Variants in ARL15 observed in about 807,000 individuals in gnomAD.
The protein encoded by ARL15 is ADP-ribosylation factor-like protein 15.
A neutral mutation model predicts 25.2 loss-of-function variants in ARL15; 19 were observed. The observed-to-expected ratio is 0.75, with a 90% CI of 0.53 to 1.10. ARL15 has a LOEUF of 1.10. Among genes scored for constraint, ARL15 ranks in the 50% least tolerant of loss-of-function variants. The pLI, the probability that ARL15 is intolerant of heterozygous loss-of-function variation, is 0.00. For synonymous variants in ARL15, 94 were observed against 86.8 expected (o/e 1.08, Z -0.46); for missense variants, 220 against 246.0 (o/e 0.89, Z 0.71).
At chr5:54,152,059 T>C (rs1307632123) in intron 3 of ARL15, among the ~76,000 whole-genome samples, 1 of 152,072 alleles carries the variant, frequency 6.6e-6, no homozygotes, top group Admixed American at 6.6e-5. Context: ...TTTCTTGAGG[T>C]CCTCCCCTGA....
At chr5:53,927,860 T>C (rs1746078842) in intron 4 of ARL15, among the ~76,000 whole-genome samples, 1 of 152,158 alleles carries the variant, frequency 6.6e-6, no homozygotes, top group South Asian at 2.1e-4. Context: ...CAGGCTGGGT[T>C]CAAAGTCTGA....
chr5:54,251,098 T>C (rs1757224985), intron 1 of ARL15, among the ~76,000 whole-genome samples: 1 of 151,972 alleles, frequency 6.6e-6, no homozygotes, highest in Non-Finnish European at 1.5e-5. Context: ...ACACTGCTAA[T>C]TTGCACAGAG....
rs145862323 is a variant in ARL15, at chr5:54,231,995, C to T, written c.49-60067G>A. ...GAAGGCCTGACCACTTAGCAGTCTA[C>T]GCTGCGGCCACACTGACTGCTCATG... On this transcript the variant is annotated intron_variant, in intron 1 of 4. Transcript: ENST00000504924. 3.0e-4 allele frequency among the ~76,000 whole-genome samples: 46 copies of T among 152,294 alleles called. No homozygotes were observed. The East Asian group carries it at 7.0e-3, about 23-fold the overall frequency.
chr5:53,970,703 T>G lies in ARL15; in HGVS notation c.463-83990A>C, dbSNP rs143955121. The stretch of plus-strand genomic sequence containing the variant: ...ATAGGCTGGAGGACAAGTTGACTCA[T>G]TGGGCCCTGAAAGTTTTCCATCCCA... On this transcript the variant is annotated intron_variant, in intron 4 of 4. Transcript: ENST00000504924. Among the ~76,000 whole-genome samples the G allele has an allele frequency of 9.1e-3, 1,385 of 151,866 alleles. 19 individuals carry two copies. Among genetic ancestry groups the G allele is most frequent in the African/African-American group, 0.032 (1,330 of 41,408 alleles).
At chr5:53,910,850 C>T (rs1361422439) in intron 4 of ARL15, among the ~76,000 whole-genome samples, 1 of 151,568 alleles carries the variant, frequency 6.6e-6, no homozygotes, top group Non-Finnish European at 1.5e-5. Context: ...AGTGATTCGA[C>T]CAATTGGAGT....
chr5:53,892,609 T>A (rs1744755774), intron 4 of ARL15, among the ~76,000 whole-genome samples: 1 of 151,760 alleles, frequency 6.6e-6, no homozygotes, highest in Non-Finnish European at 1.5e-5. Flanking sequence ...TACTTTTTTT[T>A]TTTTTTTTAA....
intron 4 of ARL15, among the ~76,000 whole-genome samples, chr5:53,984,848 C>A (rs760832493): frequency 6.6e-5 from 10 of 152,160 alleles, no homozygotes; most frequent in Non-Finnish European, 1.5e-4. Flanking sequence ...TTCCTGCAAT[C>A]TTTGTAGGAT....
intron 1 of ARL15, among the ~76,000 whole-genome samples, chr5:54,223,688 A>G (rs1427779301): frequency 3.3e-5 from 5 of 152,220 alleles, no homozygotes; most frequent in African/African-American, 1.2e-4. Flanking sequence ...TCCAAATAGC[A>G]TATGACTAAG....
At chr5:54,166,660 A>C (rs926859673) in intron 2 of ARL15, among the ~76,000 whole-genome samples, 1 of 152,108 alleles carries the variant, frequency 6.6e-6, no homozygotes, top group African/African-American at 2.4e-5. Flanking sequence ...GCTTAGGTTT[A>C]AAGTTGTCCC....
At chr5:53,948,951 CT>C (rs1213371051) in intron 4 of ARL15, among the ~76,000 whole-genome samples, 1 of 152,198 alleles carries the variant, frequency 6.6e-6, no homozygotes, top group Non-Finnish European at 1.5e-5. Context: ...AAATCATTAC[CT>C]TCACTGCCAT....
intron 1 of ARL15, among the ~76,000 whole-genome samples, chr5:54,263,740 T>C (rs1757554465): frequency 6.6e-6 from 1 of 152,102 alleles, no homozygotes; most frequent in African/African-American, 2.4e-5. Flanking sequence ...GATAGAGCAG[T>C]GAACCAAGCA....
intron 1 of ARL15, among the ~76,000 whole-genome samples, chr5:54,205,643 C>T (rs766892717): frequency 3.9e-5 from 6 of 152,132 alleles, no homozygotes; most frequent in South Asian, 2.1e-4. Context: ...AACCTGATAT[C>T]GTGTTCATGA....
In ARL15 at chr5:53,961,630, A is replaced by T. The variant is rs368957598; in HGVS notation, c.463-74917T>A. ...CTAATCCCATCATCCAAATGGTTGA[A>T]GTGAACATTAAATTTTAAAAAGGGG... On this transcript the variant is annotated intron_variant, in intron 4 of 4. Transcript: ENST00000504924. Among the ~76,000 whole-genome samples the T allele has an allele frequency of 3.9e-5, 6 of 152,326 alleles. No homozygotes were observed. The East Asian group carries it at 1.2e-3, about 29-fold the overall frequency.
chr5:54,298,753 T>C (rs1296672752), intron 1 of ARL15, among the ~76,000 whole-genome samples: 1 of 152,062 alleles, frequency 6.6e-6, no homozygotes, highest in Non-Finnish European at 1.5e-5. Context: ...TGATCTCTGG[T>C]CAACATTTAA....
intron 1 of ARL15, among the ~76,000 whole-genome samples, chr5:54,292,919 G>A (rs572450586): frequency 9.9e-5 from 15 of 152,202 alleles, no homozygotes; most frequent in Admixed American, 2.6e-4. Flanking sequence ...AACCTCACAC[G>A]GTGTTGCAAA....
chr5:54,019,164 GT>G (rs80068965), intron 4 of ARL15, among the ~76,000 whole-genome samples: 10,796 of 145,390 alleles, frequency 0.074, 531 homozygotes, highest in East Asian at 0.24. Flanking sequence ...AGATAAACAG[GT>G]TTTTTTTTTT....
intron 4 of ARL15, among the ~76,000 whole-genome samples, chr5:54,082,800 A>T (rs1169084089): frequency 2.0e-5 from 3 of 152,092 alleles, no homozygotes; most frequent in Non-Finnish European, 4.4e-5. Context: ...ATTAGATGCA[A>T]AATCACCTTT....
intron 1 of ARL15, among the ~76,000 whole-genome samples, chr5:54,226,765 T>C (rs1756528869): frequency 6.6e-6 from 1 of 152,192 alleles, no homozygotes; most frequent in Non-Finnish European, 1.5e-5. Context: ...TCTTTGTTCT[T>C]CAACTCAACA....
intron 1 of ARL15, among the ~76,000 whole-genome samples, chr5:54,255,207 A>AC: frequency 6.7e-6 from 1 of 149,858 alleles, no homozygotes. Context: ...ACTCCACGTC[A>AC]TTTTTTTTTT....
Sources: allele counts gnomAD v4.1 joint callset (sites outside exome capture counted in the v4.1 genomes callset), GRCh38; gene constraint gnomAD v4.1.1; transcripts MANE v1.5; gene names NCBI Gene and HGNC (gene_info 2026-07-23, HGNC 2026-07-21).